The following PKHD1 variants were observed in gnomAD, a reference collection of about 807,000 sequenced individuals.
PKHD1 encodes PKHD1 ciliary IPT domain containing fibrocystin/polyductin.
In PKHD1, 291 loss-of-function variants were observed where a neutral mutation model predicts 412.0. The ratio of observed to expected loss-of-function variants is 0.71; its 90% CI spans 0.64 to 0.78. The LOEUF (loss-of-function observed/expected upper bound fraction) is 0.78, where lower values mean the gene tolerates loss of function less well. Among genes scored for constraint, PKHD1 ranks in the 30% least tolerant of loss-of-function variants. The probability of loss-of-function intolerance (pLI) is 0.00; values close to 1 mark genes in which losing one functional copy is unlikely to be tolerated. For missense variants in PKHD1, 4,825 were observed against 4,950.7 expected (o/e 0.97, Z 0.76); for synonymous variants, 1,777 against 1,821.5 (o/e 0.98, Z 0.62).
At chr6:52,065,674 T>C (rs916414449) in intron 12 of PKHD1, among the ~76,000 whole-genome samples, 1 of 152,166 alleles carries the variant, frequency 6.6e-6, no homozygotes, top group Non-Finnish European at 1.5e-5. Context: ...CTGTTTTTAG[T>C]AGAAGTAAAC....
At chr6:51,712,412 T>C (rs550241546) in intron 60 of PKHD1, among the ~76,000 whole-genome samples, 1 of 152,332 alleles carries the variant, frequency 6.6e-6, no homozygotes, top group South Asian at 2.1e-4. Flanking sequence ...TTGTTTTTAG[T>C]ATTTTTGTAA....
chr6:51,865,320 G>C (rs987689337), intron 48 of PKHD1, among the ~76,000 whole-genome samples: 1 of 152,120 alleles, frequency 6.6e-6, no homozygotes, highest in South Asian at 2.1e-4. Flanking sequence ...ATATTAAATA[G>C]TGTGGCCAAC....
chr6:52,022,898 A>G lies in PKHD1; in HGVS notation c.5283T>C (p.Ser1761=). 6.2e-7 allele frequency: 1 copy of G among 1,614,190 alleles called. No individual in the cohort carries two copies. The highest frequency in any genetic ancestry group is 8.5e-7 in the Non-Finnish European group (1 of 1,180,040). Residue 1761 remains serine, a synonymous_variant, in exon 33 of 67, where the codon TCT becomes TCC. Coordinates refer to ENST00000371117, the MANE Select transcript of PKHD1 (RefSeq NM_138694.4). The part of the protein sequence containing the change: ...RLVHVFGAGF[S]PGNVSAAVCG... ...ACACAGCAGCTGAGACATTCCCTGG[A>G]GAAAATCCCGCTCCAAACACATGCA...
chr6:51,963,483 G>A (rs1792367963), intron 35 of PKHD1, among the ~76,000 whole-genome samples: 1 of 152,056 alleles, frequency 6.6e-6, no homozygotes, highest in Non-Finnish European at 1.5e-5. Context: ...AAAAATTACT[G>A]CAGCATCCAC....
chr6:52,032,853 G>C (rs964829324), intron 29 of PKHD1, among the ~76,000 whole-genome samples, 177 bp downstream of exon 29: 2 of 152,132 alleles, frequency 1.3e-5, no homozygotes, highest in African/African-American at 4.8e-5. Context: ...TTTTACAGAT[G>C]GAAAAGTAGA....
intron 53 of PKHD1, among the ~76,000 whole-genome samples, chr6:51,784,990 T>A (rs544522642): frequency 6.6e-6 from 1 of 152,252 alleles, no homozygotes; most frequent in Admixed American, 6.5e-5. Context: ...TGTATTACCA[T>A]CTAAACTTAT....
In PKHD1 at chr6:52,053,163, C is replaced by A. The variant is rs779557630; in HGVS notation, c.2053G>T (p.Val685Phe). Reference protein sequence around the residue: ...QPPPANSPVLVHQINLLPLAQ... With the variant: ...QPPPANSPVLFHQINLLPLAQ... ...AGAGGGAGAAGGTTGATCTGATGAA[C>A]CAGCACTGGGGAGTTTGCCGGAGGG... is the stretch of plus-strand genomic sequence containing the variant. The change falls in exon 21 of 67, where the codon GTT (valine) becomes TTT (phenylalanine). Residue 685 changes from valine to phenylalanine, a missense_variant. By Grantham distance (50) the Val-to-Phe change is conservative (BLOSUM62 -1). Coordinates refer to ENST00000371117, the MANE Select transcript of PKHD1 (RefSeq NM_138694.4). 6.2e-7 allele frequency: 1 copy of A among 1,614,194 alleles called. No homozygotes were observed. The highest frequency in any genetic ancestry group is 1.1e-5 in the South Asian group (1 of 91,082).
At chr6:52,007,392 T>A (rs1799225760) in intron 35 of PKHD1, among the ~76,000 whole-genome samples, 1 of 152,174 alleles carries the variant, frequency 6.6e-6, no homozygotes, top group Non-Finnish European at 1.5e-5. Flanking sequence ...TGGATTGTAG[T>A]CCTGATTAAG....
intron 43 of PKHD1, among the ~76,000 whole-genome samples, chr6:51,889,328 A>G (rs1375983911): frequency 6.6e-6 from 1 of 152,174 alleles, no homozygotes; most frequent in African/African-American, 2.4e-5. Context: ...GCCTTTCTTT[A>G]AAAAACAATA....
At chr6:51,637,432 T>C (rs767767211) in intron 64 of PKHD1, among the ~76,000 whole-genome samples, 3 of 152,146 alleles carry the variant, frequency 2.0e-5, no homozygotes, top group Non-Finnish European at 4.4e-5. Context: ...TCCTCTGAAG[T>C]ATAAATGTGA....
In PKHD1 at chr6:51,753,233, G is replaced by A. The variant is rs780020030; in HGVS notation, c.8918C>T (p.Ser2973Phe). Residue 2973 changes from serine to phenylalanine, a missense_variant, in exon 57 of 67, where the codon TCC (serine) becomes TTC (phenylalanine). By Grantham distance (155) the Ser-to-Phe change is radical. Coordinates refer to ENST00000371117, the MANE Select transcript of PKHD1 (RefSeq NM_138694.4). ...TTCTTCTCGGCTGGACTTCCTGAAG[G>A]ACCCCACAAACAGTCTCCCCCTACA... The part of the protein sequence containing the change: ...VSCRGRLFVG[S>F]FRKSSREEFS... 2 of 1,613,690 alleles carry A rather than the reference G, an allele frequency of 1.2e-6. No individual in the cohort carries two copies. The highest frequency in any genetic ancestry group is 3.3e-5 in the Admixed American group (2 of 59,980).
At chr6:51,916,725 C>A (rs1783863366) in intron 37 of PKHD1, among the ~76,000 whole-genome samples, 1 of 152,108 alleles carries the variant, frequency 6.6e-6, no homozygotes, top group African/African-American at 2.4e-5. Context: ...TATTGAAACC[C>A]AGGTTGGGTA....
rs559684657 is a variant in PKHD1, at chr6:52,042,932, G to A, written c.3024C>T (p.Ala1008=). The part of the protein sequence containing the change: ...LVRPSGLAIS[A]TGEDLFLNVK... ...CATTTAGGAAGAGGTCTTCTCCAGT[G>A]GCACTGATGGCAAGACCAGAGGGTC... Residue 1008 remains alanine, a synonymous_variant, in exon 27 of 67, where the codon GCC becomes GCT. Coordinates refer to ENST00000371117, the MANE Select transcript of PKHD1 (RefSeq NM_138694.4). 2.2e-4 allele frequency: 348 copies of A among 1,613,870 alleles called. 1 individual carries two copies. In the South Asian group the frequency reaches 3.5e-3, roughly 16 times the overall value.
intron 4 of PKHD1, among the ~76,000 whole-genome samples, chr6:52,082,063 C>T (rs1812112548): frequency 6.6e-6 from 1 of 152,072 alleles, no homozygotes; most frequent in Admixed American, 6.5e-5. Flanking sequence ...TATGCCTATT[C>T]CAAAAGATGA....
intron 19 of PKHD1, among the ~76,000 whole-genome samples, chr6:52,055,097 A>G (rs1010394029): frequency 6.6e-6 from 1 of 152,218 alleles, no homozygotes; most frequent in Non-Finnish European, 1.5e-5. Context: ...CAACAACTAG[A>G]GTAATAATAA....
chr6:51,870,857 C>T (rs1021460750), intron 46 of PKHD1, among the ~76,000 whole-genome samples: 68 of 149,512 alleles, frequency 4.5e-4, no homozygotes, highest in African/African-American at 1.7e-3. Context: ...ATTCAAAAAT[C>T]AGGAAAAAAA....
chr6:51,869,853 G>A (rs9357715), intron 47 of PKHD1, among the ~76,000 whole-genome samples: 61,037 of 151,770 alleles, frequency 0.4, 13,461 homozygotes, highest in East Asian at 0.85. Flanking sequence ...TATCTAAATT[G>A]GTGATTCAAA....
intron 31 of PKHD1, among the ~76,000 whole-genome samples, chr6:52,026,817 C>A (rs1802263967): frequency 6.6e-6 from 1 of 152,144 alleles, no homozygotes; most frequent in East Asian, 1.9e-4. Context: ...AGAGAGGCCA[C>A]CAAAGATCAA....
chr6:51,628,593 A>C (rs181738588), intron 65 of PKHD1, among the ~76,000 whole-genome samples: 1,783 of 152,342 alleles, frequency 0.012, 17 homozygotes, highest in Non-Finnish European at 0.018. Context: ...GTATATACCC[A>C]GTAATGGGAT....
Sources: gnomAD v4.1 joint callset for allele counts (sites outside exome capture counted in the v4.1 genomes callset) on GRCh38, gnomAD v4.1.1 for gene constraint, MANE v1.5 for transcripts, NCBI Gene and HGNC (gene_info 2026-07-23, HGNC 2026-07-21) for gene names.